Variants in ADCY5 observed in about 807,000 individuals in gnomAD.
ADCY5 encodes the protein adenylate cyclase type 5.
In ADCY5, 30 loss-of-function variants were observed where a neutral mutation model predicts 119.7. That is an observed-to-expected ratio of 0.25 (90% CI 0.19 to 0.34). The LOEUF is 0.34. ADCY5 is among the 10% of genes least tolerant of loss of function. The pLI is 1.00. For missense variants in ADCY5, 1,324 were observed against 1,775.2 expected, an observed-to-expected ratio of 0.75 and a Z score of 4.57; for synonymous variants, 753 against 762.2, an observed-to-expected ratio of 0.99 and a Z score of 0.20.
At chr3:123,377,526 G>A (rs149159588) in intron 1 of ADCY5, among the ~76,000 whole-genome samples, 64 of 152,326 alleles carry the variant, frequency 4.2e-4, no homozygotes, top group African/African-American at 1.5e-3. Flanking sequence ...TCTGAGTGCT[G>A]TGGTCAGCCA....
chr3:123,350,207 C>A (rs1326746289), intron 2 of ADCY5, among the ~76,000 whole-genome samples: 1 of 152,216 alleles, frequency 6.6e-6, no homozygotes, highest in East Asian at 1.9e-4. Flanking sequence ...GGCATCCCCT[C>A]CCCCACTCGC....
intron 1 of ADCY5, among the ~76,000 whole-genome samples, chr3:123,370,871 C>T (rs954631485): frequency 1.3e-5 from 2 of 151,716 alleles, no homozygotes; most frequent in African/African-American, 4.8e-5. Context: ...TGCTCTGGGG[C>T]AGAAGGGAGA....
chr3:123,334,954 C>T (rs1941953852), intron 3 of ADCY5, among the ~76,000 whole-genome samples: 1 of 152,136 alleles, frequency 6.6e-6, no homozygotes, highest in South Asian at 2.1e-4. Flanking sequence ...CTTTATATTC[C>T]CATGCTTTGA....
chr3:123,438,771 G>A (rs749719892), intron 1 of ADCY5, among the ~76,000 whole-genome samples: 30 of 152,042 alleles, frequency 2.0e-4, no homozygotes, highest in Non-Finnish European at 3.7e-4. Flanking sequence ...TTGAGACAGG[G>A]TCTCTCACTT....
Position 123,327,648 on chromosome 3 carries a change from G to A in ADCY5, c.1917C>T (p.Thr639=), listed in dbSNP as rs769155291. ...NAYLKEHSIE[T]FLILRCTQKR... ...TCTGGGTGCAGCGCAGGATGAGGAA[G>A]GTCTCGATACTGTGCTCCTTGAGGT... Residue 639 remains threonine (T), a synonymous_variant, in exon 7 of 21, where the codon ACC becomes ACT. Coordinates refer to ENST00000462833, the MANE Select transcript of ADCY5 (RefSeq NM_183357.3). The A allele has an allele frequency of 6.8e-6, 11 of 1,613,938 alleles. No homozygotes were observed. Among genetic ancestry groups the A allele is most frequent in the Non-Finnish European group, 8.5e-6 (10 of 1,180,018 alleles).
At chr3:123,323,422 A>T (rs1279284555) in intron 8 of ADCY5, among the ~76,000 whole-genome samples, 1 of 152,100 alleles carries the variant, frequency 6.6e-6, no homozygotes, top group African/African-American at 2.4e-5. Flanking sequence ...AAATATCACT[A>T]AAAAATAACT....
At chr3:123,396,035 AGG>A (rs1559859600) in intron 1 of ADCY5, among the ~76,000 whole-genome samples, 7 of 95,582 alleles carry the variant, frequency 7.3e-5, no homozygotes, top group Admixed American at 2.6e-4. Context: ...GGAGGGAGAG[AGG>A]GAGGGAGGGA....
chr3:123,394,264 T>C (rs1462880777), intron 1 of ADCY5, among the ~76,000 whole-genome samples: 6 of 152,238 alleles, frequency 3.9e-5, no homozygotes, highest in Admixed American at 1.3e-4. Flanking sequence ...ATAAAGGATA[T>C]TGCCTCCACT....
At chr3:123,373,630 A>G (rs1376671932) in intron 1 of ADCY5, among the ~76,000 whole-genome samples, 1 of 152,204 alleles carries the variant, frequency 6.6e-6, no homozygotes, top group African/African-American at 2.4e-5. Context: ...AAGTGCTAGC[A>G]CAAGTCACTT....
chr3:123,334,816 G>A (rs139720567), intron 3 of ADCY5, among the ~76,000 whole-genome samples: 1 of 152,324 alleles, frequency 6.6e-6, no homozygotes, highest in Non-Finnish European at 1.5e-5. Flanking sequence ...GGTACAAAGT[G>A]ATGTGATGTC....
chr3:123,387,324 T>C (rs73186495), intron 1 of ADCY5, among the ~76,000 whole-genome samples: 11,308 of 152,308 alleles, frequency 0.074, 542 homozygotes, highest in Middle Eastern at 0.15. Flanking sequence ...TGATATTTAT[T>C]ACATTGTTAT....
intron 1 of ADCY5, among the ~76,000 whole-genome samples, chr3:123,391,170 G>C (rs1478797006): frequency 6.6e-6 from 1 of 152,224 alleles, no homozygotes; most frequent in Non-Finnish European, 1.5e-5. Flanking sequence ...ATACCTCTAG[G>C]CGGGTGGGAG....
chr3:123,317,237 A>T (rs1263550887), intron 11 of ADCY5, among the ~76,000 whole-genome samples: 1 of 152,232 alleles, frequency 6.6e-6, no homozygotes, highest in Non-Finnish European at 1.5e-5. Flanking sequence ...AGTCCTCAGA[A>T]GAGTTCAGAA....
intron 1 of ADCY5, among the ~76,000 whole-genome samples, chr3:123,367,678 C>T (rs545827649): frequency 2.6e-5 from 4 of 151,962 alleles, no homozygotes; most frequent in Admixed American, 2.6e-4. Context: ...GATTCAGGGG[C>T]GGGAAGAAGG....
chr3:123,358,895 A>G (rs1314528641), intron 1 of ADCY5, among the ~76,000 whole-genome samples: 1 of 152,212 alleles, frequency 6.6e-6, no homozygotes, highest in African/African-American at 2.4e-5. Flanking sequence ...GGGAAGACTC[A>G]AAGAAACCCC....
intron 2 of ADCY5, among the ~76,000 whole-genome samples, chr3:123,348,482 G>A (rs145757174): frequency 6.6e-6 from 1 of 152,238 alleles, no homozygotes; most frequent in Non-Finnish European, 1.5e-5. Flanking sequence ...CACTATGGGG[G>A]CACTGAGCAG....
At chr3:123,287,887 C>A (rs932229521) in intron 19 of ADCY5, among the ~76,000 whole-genome samples, 1 of 152,240 alleles carries the variant, frequency 6.6e-6, no homozygotes, top group South Asian at 2.1e-4. Context: ...GCAGATTCTA[C>A]ACTCAGTCCC....
intron 1 of ADCY5, among the ~76,000 whole-genome samples, chr3:123,368,807 C>G (rs74947766): frequency 0.026 from 3,922 of 151,148 alleles, 177 homozygotes; most frequent in African/African-American, 0.086. Context: ...ACTGTTGTGT[C>G]CCTATTATCC....
chr3:123,445,672 A>AT (rs572173580), intron 1 of ADCY5, among the ~76,000 whole-genome samples: 52 of 150,928 alleles, frequency 3.4e-4, no homozygotes, highest in Middle Eastern at 3.4e-3. Context: ...GTCTCTAAAG[A>AT]TTTTTTTTTT....
Sources: gnomAD v4.1 joint callset for allele counts (sites outside exome capture counted in the v4.1 genomes callset) on GRCh38, gnomAD v4.1.1 for gene constraint, MANE v1.5 for transcripts, NCBI Gene and HGNC (gene_info 2026-07-23, HGNC 2026-07-21) for gene names.